Variants in KAZN observed in about 807,000 individuals in gnomAD.
The protein encoded by KAZN is kazrin, periplakin interacting protein, also known as kazrin.
KAZN carries 40 observed loss-of-function variants against 87.4 expected under a neutral mutation model. The ratio of observed to expected loss-of-function variants is 0.46; its 90% CI spans 0.36 to 0.60. KAZN has a LOEUF of 0.60. Among genes scored for constraint, KAZN ranks in the 20% least tolerant of loss-of-function variants. KAZN has a pLI of 0.00. For missense variants in KAZN, 898 were observed against 1,073.9 expected, an observed-to-expected ratio of 0.84 and a Z score of 2.29; for synonymous variants, 466 against 458.3, an observed-to-expected ratio of 1.02 and a Z score of -0.22.
chr1:14,085,320 C>T (rs1224493784), intron 1 of KAZN, among the ~76,000 whole-genome samples: 1 of 152,176 alleles, frequency 6.6e-6, no homozygotes, highest in Non-Finnish European at 1.5e-5. Context: ...GTGTACATTT[C>T]AATGAGTTTG....
chr1:14,817,872 A>G (rs984385087), intron 1 of KAZN, among the ~76,000 whole-genome samples: 14 of 152,226 alleles, frequency 9.2e-5, no homozygotes, highest in African/African-American at 3.1e-4. Flanking sequence ...AACAACTACT[A>G]GGGAAGATAA....
chr1:14,979,563 G>T (rs1411009986), intron 2 of KAZN, among the ~76,000 whole-genome samples: 1 of 152,226 alleles, frequency 6.6e-6, no homozygotes, highest in South Asian at 2.1e-4. Flanking sequence ...TGGAATTCAA[G>T]CAGGTGGCTC....
chr1:14,822,705 T>C (rs1479929640), intron 1 of KAZN, among the ~76,000 whole-genome samples: 1 of 152,198 alleles, frequency 6.6e-6, no homozygotes, highest in East Asian at 1.9e-4. Context: ...CCAGTGGCCT[T>C]CTCTGGAGGC....
intron 2 of KAZN, among the ~76,000 whole-genome samples, chr1:14,387,894 C>T (rs1050365639): frequency 4.6e-5 from 7 of 152,220 alleles, no homozygotes; most frequent in Admixed American, 2.0e-4. Flanking sequence ...TGGGCAATGG[C>T]GGGCGCCCCT....
At chr1:14,603,291 G>A (rs764202105) in intron 1 of KAZN, among the ~76,000 whole-genome samples, 19 of 152,132 alleles carry the variant, frequency 1.2e-4, no homozygotes, top group Non-Finnish European at 2.6e-4. Flanking sequence ...GGGGAATCTC[G>A]GGCCTTCTGT....
chr1:14,772,525 G>A (rs1224302699), intron 1 of KAZN, among the ~76,000 whole-genome samples: 2 of 145,846 alleles, frequency 1.4e-5, no homozygotes, highest in African/African-American at 2.6e-5. Context: ...AATAGATTGA[G>A]AAAAAAAAAA....
chr1:14,601,313 T>C (rs1468055339), intron 1 of KAZN, among the ~76,000 whole-genome samples: 1 of 152,214 alleles, frequency 6.6e-6, no homozygotes, highest in African/African-American at 2.4e-5. Flanking sequence ...TAAACTGATA[T>C]GCATTTCAAC....
chr1:14,792,227 A>G lies in KAZN; in HGVS notation c.227-168457A>G, dbSNP rs141312205. Among the ~76,000 whole-genome samples, 3 of 152,330 alleles carry G rather than the reference A, an allele frequency of 2.0e-5. No homozygotes were observed. The East Asian group carries it at 5.8e-4, about 29-fold the overall frequency. ...TTGCCAGATGCTGTGCTGGGTGTTAAGGAGACAAAATGTACAAGCTAGCAT... is the reference window on the plus strand; with the variant it reads ...TTGCCAGATGCTGTGCTGGGTGTTAGGGAGACAAAATGTACAAGCTAGCAT... On this transcript the variant is annotated intron_variant, in intron 1 of 14. Transcript: ENST00000376030.
chr1:14,412,993 CATAT>C (rs780831813), intron 2 of KAZN, among the ~76,000 whole-genome samples: 42 of 147,968 alleles, frequency 2.8e-4, no homozygotes, highest in Non-Finnish European at 5.2e-4. Context: ...TATAAAAACA[CATAT>C]ATAAATATAT....
chr1:14,746,340 T>C (rs1644259045), intron 1 of KAZN, among the ~76,000 whole-genome samples: 1 of 151,772 alleles, frequency 6.6e-6, no homozygotes, highest in African/African-American at 2.4e-5. Flanking sequence ...TGTTACTGAG[T>C]GGCCTCTTCT....
chr1:14,574,053 A>G (rs796269250), intron 2 of KAZN, among the ~76,000 whole-genome samples: 5 of 152,246 alleles, frequency 3.3e-5, no homozygotes, highest in South Asian at 2.1e-4. Flanking sequence ...AACGTTTCCA[A>G]TGAATAATTT....
At chr1:14,858,095 T>C (rs1172567882) in intron 1 of KAZN, among the ~76,000 whole-genome samples, 1 of 152,214 alleles carries the variant, frequency 6.6e-6, no homozygotes, top group African/African-American at 2.4e-5. Flanking sequence ...TAATTTAGCA[T>C]AATGCTTTAT....
At chr1:15,042,454 G>T (rs147552279) in intron 3 of KAZN, among the ~76,000 whole-genome samples, 85 of 152,328 alleles carry the variant, frequency 5.6e-4, no homozygotes, top group African/African-American at 1.8e-3. Context: ...GTCAGGGAAG[G>T]CTTCTCAGAG....
intron 1 of KAZN, among the ~76,000 whole-genome samples, chr1:14,844,013 C>T (rs1648360753): frequency 1.3e-5 from 2 of 152,206 alleles, no homozygotes; most frequent in Non-Finnish European, 2.9e-5. Flanking sequence ...TGGAGTTTTA[C>T]GCCTCTCCCT....
chr1:15,083,307 A>G (rs1251569589), intron 8 of KAZN, among the ~76,000 whole-genome samples: 1 of 152,200 alleles, frequency 6.6e-6, no homozygotes, highest in African/African-American at 2.4e-5. Context: ...GGTGGAAAGT[A>G]GTACATAGCA....
At chr1:14,277,331 T>C (rs1652446866) in intron 2 of KAZN, among the ~76,000 whole-genome samples, 1 of 152,160 alleles carries the variant, frequency 6.6e-6, no homozygotes, top group African/African-American at 2.4e-5. Context: ...CACAATGCCA[T>C]TTGTAACACC....
At chr1:14,180,395 C>A (rs1371161850) in intron 1 of KAZN, 1 of 1,531,968 alleles carries the variant, frequency 6.5e-7, no homozygotes, top group African/African-American at 1.4e-5. Context: ...TTGAAAGTTA[C>A]CAGTTGTGAC....
chr1:14,018,636 T>C (rs1191128006), intron 1 of KAZN, among the ~76,000 whole-genome samples: 1 of 152,100 alleles, frequency 6.6e-6, no homozygotes, highest in East Asian at 1.9e-4. Context: ...GTCTTCCATG[T>C]GTACAGACAC....
At position 14,441,375 on chromosome 1, in the gene KAZN, G is replaced by GGCAGAAGCAGCAGCAGCA. The variant is rs1553172856; in HGVS notation, c.250-157604_250-157603insAAGCAGCAGCAGCAGCAG. 5.9e-5 allele frequency among the ~76,000 whole-genome samples: 9 copies of GGCAGAAGCAGCAGCAGCA among 151,938 alleles called. 1 individual carries two copies. Among genetic ancestry groups the GGCAGAAGCAGCAGCAGCA allele is most frequent in the African/African-American group, 2.2e-4 (9 of 41,516 alleles). On this transcript the variant is annotated intron_variant, in intron 2 of 16. Coordinates refer to the KAZN transcript ENST00000636203. ...TGTTGTTCCGGGCAGCAGCGGCAGC[G>GGCAGAAGCAGCAGCAGCA]GCAGCAGCAGCAGCAGCAGCACCTG...
Sources: allele counts gnomAD v4.1 joint callset (sites outside exome capture counted in the v4.1 genomes callset), GRCh38; gene constraint gnomAD v4.1.1; transcripts MANE v1.5; gene names NCBI Gene and HGNC (gene_info 2026-07-23, HGNC 2026-07-21).